The following CHCHD6 variants were observed in gnomAD, a reference collection of about 807,000 sequenced individuals.
CHCHD6 encodes the protein coiled-coil-helix-coiled-coil-helix domain containing 6.
CHCHD6 carries 28 observed loss-of-function variants against 32.3 expected under a neutral mutation model. The ratio of observed to expected loss-of-function variants is 0.87; its 90% CI spans 0.64 to 1.19. The LOEUF is 1.19. Among genes scored for constraint, CHCHD6 ranks in the 50% most tolerant of loss-of-function variants. The pLI is 0.00. For missense variants in CHCHD6, 333 were observed against 307.0 expected, an observed-to-expected ratio of 1.08 and a Z score of -0.63; for synonymous variants, 122 against 117.5, an observed-to-expected ratio of 1.04 and a Z score of -0.25.
At chr3:126,958,860 C>T (rs759597079) in intron 7 of CHCHD6, among the ~76,000 whole-genome samples, 1 of 152,196 alleles carries the variant, frequency 6.6e-6, no homozygotes, top group African/African-American at 2.4e-5. Context: ...TTCGCACCGA[C>T]CAGACACTTA....
At chr3:126,931,009 T>A (rs2078396278) in intron 6 of CHCHD6, among the ~76,000 whole-genome samples, 1 of 152,216 alleles carries the variant, frequency 6.6e-6, no homozygotes, top group African/African-American at 2.4e-5. Flanking sequence ...CCCGTCCCGC[T>A]GCACTCCCTA....
At chr3:126,753,390 G>A (rs1382112413) in intron 4 of CHCHD6, among the ~76,000 whole-genome samples, 3 of 152,194 alleles carry the variant, frequency 2.0e-5, no homozygotes, top group Admixed American at 1.3e-4. Context: ...AGGAGGAGGG[G>A]CACTGAGGCA....
chr3:126,877,800 A>G (rs907505012), intron 5 of CHCHD6, among the ~76,000 whole-genome samples: 3 of 152,250 alleles, frequency 2.0e-5, no homozygotes, highest in African/African-American at 7.2e-5. Context: ...TCCTATAGTT[A>G]TTAAGACATT....
rs564928551 is a variant in CHCHD6, at chr3:126,786,153, G to A, written c.411+52931G>A. ...TCATCCATGTCCCTATAAAGGACAT[G>A]AATTCATCATTTTTTATGGCTGCAT... On this transcript the variant is annotated intron_variant, in intron 4 of 7. Transcript: ENST00000290913. Among the ~76,000 whole-genome samples the A allele has an allele frequency of 6.2e-3, 941 of 152,286 alleles. 8 individuals carry two copies. The highest frequency in any genetic ancestry group is 0.021 in the African/African-American group (888 of 41,560).
At chr3:126,893,568 A>G (rs2077795470) in intron 5 of CHCHD6, among the ~76,000 whole-genome samples, 1 of 152,240 alleles carries the variant, frequency 6.6e-6, no homozygotes, top group Non-Finnish European at 1.5e-5. Flanking sequence ...TTATTACAAA[A>G]GATAAAATGA....
intron 5 of CHCHD6, among the ~76,000 whole-genome samples, chr3:126,883,921 G>A (rs2077645643): frequency 1.3e-5 from 2 of 152,132 alleles, no homozygotes; most frequent in Non-Finnish European, 2.9e-5. Context: ...TTTCCTGTTT[G>A]CATTTGCACA....
intron 5 of CHCHD6, among the ~76,000 whole-genome samples, chr3:126,909,925 G>A (rs368842950): frequency 2.0e-5 from 3 of 152,148 alleles, no homozygotes; most frequent in Non-Finnish European, 4.4e-5. Context: ...GAGAACTGAC[G>A]GCCTAGCCGG....
At chr3:126,871,839 G>A (rs1237994933) in intron 5 of CHCHD6, among the ~76,000 whole-genome samples, 1 of 151,712 alleles carries the variant, frequency 6.6e-6, no homozygotes, top group African/African-American at 2.4e-5. Context: ...CTAATTTTTT[G>A]TATTTTTAGC....
chr3:126,735,994 A>G (rs1936025014), intron 4 of CHCHD6, among the ~76,000 whole-genome samples: 2 of 152,214 alleles, frequency 1.3e-5, no homozygotes, highest in Admixed American at 1.3e-4. Flanking sequence ...TTGTTCTGTA[A>G]GTTAACAGAT....
chr3:126,765,902 C>T (rs764342033), intron 4 of CHCHD6, among the ~76,000 whole-genome samples: 2 of 152,200 alleles, frequency 1.3e-5, no homozygotes, highest in African/African-American at 2.4e-5. Flanking sequence ...CCGGCTTAGG[C>T]CAATCTGCAA....
At chr3:126,831,008 TG>T (rs1355715136) in intron 4 of CHCHD6, among the ~76,000 whole-genome samples, 3 of 150,444 alleles carry the variant, frequency 2.0e-5, no homozygotes, top group African/African-American at 4.9e-5. Context: ...GCTTCTCTCC[TG>T]GGCGGCCCTG....
intron 4 of CHCHD6, among the ~76,000 whole-genome samples, chr3:126,785,444 G>A (rs1199210494): frequency 1.3e-5 from 2 of 152,180 alleles, no homozygotes; most frequent in Non-Finnish European, 2.9e-5. Context: ...TCAGAAGTCT[G>A]ACAGTCACTC....
chr3:126,849,063 T>C (rs1258946123), intron 4 of CHCHD6, among the ~76,000 whole-genome samples: 1 of 152,238 alleles, frequency 6.6e-6, no homozygotes, highest in African/African-American at 2.4e-5. Context: ...ACTAGGTTCA[T>C]TTGTGGTCCA....
chr3:126,862,575 CTCCTCCACCATCACCTCT>C (rs1489719600), intron 5 of CHCHD6, among the ~76,000 whole-genome samples: 5 of 141,752 alleles, frequency 3.5e-5, no homozygotes, highest in African/African-American at 2.7e-5. Flanking sequence ...TCACCACCTC[CTCCTCCACCATCACCTCT>C]TCCTCCACCA....
rs1013333800 is a variant in CHCHD6 at position 126,937,861 on chromosome 3, G to C, written c.567-19555G>C. ...GAGATAGTATCAGAGAGCTCTTTTG[G>C]TTACTTCTGGGGGAGCGGGATTTCA... On this transcript the variant is annotated intron_variant, in intron 6 of 7. Coordinates refer to ENST00000290913, the MANE Select transcript of CHCHD6 (RefSeq NM_032343.3). Among the ~76,000 whole-genome samples the C allele has an allele frequency of 2.0e-5, 3 of 152,198 alleles. 1 individual carries two copies.
At chr3:126,945,465 G>C (rs1190852724) in intron 6 of CHCHD6, among the ~76,000 whole-genome samples, 1 of 150,046 alleles carries the variant, frequency 6.7e-6, no homozygotes, top group Non-Finnish European at 1.5e-5. Flanking sequence ...CTTGGGAGCG[G>C]GGAAAGTCGG....
At chr3:126,913,207 CTTTTTTTT>C (rs546179022) in intron 5 of CHCHD6, among the ~76,000 whole-genome samples, 34 of 33,768 alleles carry the variant, frequency 1.0e-3, no homozygotes, top group African/African-American at 3.9e-3. Context: ...CCGTATGAGC[CTTTTTTTT>C]TTTTTTTTTT....
chr3:126,724,736 A>G lies in CHCHD6; in HGVS notation c.88-2342A>G, dbSNP rs115572728. ...TTCTCTAAAACCCTGCTGCTACTCT[A>G]TCAACTAAGTTTATGATCCTATTCT... is the stretch of plus-strand genomic sequence containing the variant. On this transcript the variant is annotated intron_variant, in intron 1 of 7. Transcript: ENST00000290913. Among the ~76,000 whole-genome samples the G allele has an allele frequency of 7.2e-3, 1,101 of 152,334 alleles. 13 individuals carry two copies. Among genetic ancestry groups the G allele is most frequent in the African/African-American group, 0.025 (1,031 of 41,576 alleles).
chr3:126,949,602 CGG>C (rs1559939213), intron 6 of CHCHD6: 3 of 153,260 alleles, frequency 2.0e-5, no homozygotes, highest in Non-Finnish European at 1.3e-5. Flanking sequence ...CCGCCGTGGA[CGG>C]AAGGGAAGGC....
Sources: allele counts gnomAD v4.1 joint callset (sites outside exome capture counted in the v4.1 genomes callset), GRCh38; gene constraint gnomAD v4.1.1; transcripts MANE v1.5; gene names NCBI Gene and HGNC (gene_info 2026-07-23, HGNC 2026-07-21).